The following ASCL5 variants were observed in gnomAD, a reference collection of about 807,000 sequenced individuals.
ASCL5 encodes the protein achaete-scute family bHLH transcription factor 5.
For missense variants in ASCL5, 262 were observed against 268.9 expected (o/e 0.97, Z 0.18); for synonymous variants, 124 against 131.5 (o/e 0.94, Z 0.39).
chr1:201,119,814 C>G (rs1382720858), intron 1 of ASCL5, among the ~76,000 whole-genome samples: 1 of 152,058 alleles, frequency 6.6e-6, no homozygotes, highest in Non-Finnish European at 1.5e-5. Context: ...ATGGTGACTG[C>G]TGAAAGAGCT....
Position 201,115,290 on chromosome 1 carries a change from G to A in ASCL5, c.83C>T (p.Pro28Leu). 8.1e-7 allele frequency: 1 copy of A among 1,230,832 alleles called. No individual in the cohort carries two copies. The highest frequency in any genetic ancestry group is 4.1e-5 in the South Asian group (1 of 24,302). 76.2% of individuals were successfully genotyped at this position (1,230,832 alleles called of 1,614,324 possible). Residue 28 changes from proline (P) to leucine (L), a missense_variant, in exon 2 of 2, where the codon CCT becomes CTT. Pro to Leu is a moderately conservative substitution (Grantham distance 98). Coordinates refer to ENST00000449188, the MANE Select transcript of ASCL5 (RefSeq NM_001270601.2). ...PSCMQLGVMP[P>L]PRQAPLPPAE... ...GGGGGGCAGGGGCGCCTGCCGGGGA[G>A]GGGGCATGACGCCCAGCTGCATGCA...
At chr1:201,124,719 G>A (rs1663547132) in intron 1 of ASCL5, among the ~76,000 whole-genome samples, 1 of 152,178 alleles carries the variant, frequency 6.6e-6, no homozygotes, top group Non-Finnish European at 1.5e-5. Context: ...ATGAGGGAAG[G>A]AGATTCATGA....
At chr1:201,123,912 T>G (rs1226978500) in intron 1 of ASCL5, among the ~76,000 whole-genome samples, 2 of 151,574 alleles carry the variant, frequency 1.3e-5, no homozygotes, top group Admixed American at 6.6e-5. Context: ...TCATTGGGGG[T>G]GGGTTTTGGG....
Position 201,114,876 on chromosome 1 carries a change from G to T in ASCL5, c.497C>A (p.Thr166Asn), listed in dbSNP as rs1663302125. 8.1e-7 allele frequency: 1 copy of T among 1,228,132 alleles called. No homozygotes were observed. The highest frequency in any genetic ancestry group is 4.1e-5 in the South Asian group (1 of 24,294). 76.1% of individuals were successfully genotyped at this position (1,228,132 alleles called of 1,614,324 possible). The change falls in exon 2 of 2, where the codon ACC (threonine) becomes AAC (asparagine). Residue 166 changes from threonine (T) to asparagine (N), a missense_variant. Transcript: ENST00000449188. ...GTCGCCAGGGCGGTCGGGACGGGGG[G>T]TGGCGGGCGGCGCGGGGCAGGGCCC... ...GTGPCPAPPA[T>N]PRPDRPGDGE...
At chr1:201,119,730 A>G (rs1467329658) in intron 1 of ASCL5, among the ~76,000 whole-genome samples, 1 of 152,204 alleles carries the variant, frequency 6.6e-6, no homozygotes, top group Non-Finnish European at 1.5e-5. Context: ...CAGTTGCATC[A>G]GCATTAGGCA....
chr1:201,117,489 C>T (rs1034605903), intron 1 of ASCL5, among the ~76,000 whole-genome samples: 12 of 152,072 alleles, frequency 7.9e-5, no homozygotes, highest in African/African-American at 2.9e-4. Context: ...TCACATATCC[C>T]TCCCCTTCTC....
intron 1 of ASCL5, among the ~76,000 whole-genome samples, chr1:201,116,554 C>T (rs1663353580): frequency 1.3e-5 from 2 of 152,176 alleles, no homozygotes; most frequent in African/African-American, 2.4e-5. Flanking sequence ...GTATTAGATG[C>T]TCCACAAATA....
At chr1:201,124,696 G>A (rs1386257718) in intron 1 of ASCL5, among the ~76,000 whole-genome samples, 2 of 152,246 alleles carry the variant, frequency 1.3e-5, no homozygotes, top group Admixed American at 6.5e-5. Context: ...CTGGAGGGGA[G>A]ACGGTGCCCG....
In ASCL5 at chr1:201,115,393, C is replaced by G; in HGVS notation, c.-21G>C. On this transcript the variant is annotated 5_prime_UTR_variant, in exon 2 of 2. Coordinates refer to ENST00000449188, the MANE Select transcript of ASCL5 (RefSeq NM_001270601.2). ...TTCATGGTGCCGCGTGGAGCTGGAC[C>G]CAGAGCGAGGCCTCCACCGAATGGC... The G allele has an allele frequency of 8.1e-7, 1 of 1,231,468 alleles. No homozygotes were observed. Among genetic ancestry groups the G allele is most frequent in the Non-Finnish European group, 1.0e-6 (1 of 987,792 alleles). The allele number at this position is 1,231,468 out of a possible 1,614,324, so 76.3% of individuals were successfully genotyped here. A position where few individuals can be genotyped will look rare whatever the true frequency, so the allele number is the denominator to read the frequency against.
intron 1 of ASCL5, among the ~76,000 whole-genome samples, chr1:201,125,890 A>G (rs1663569990): frequency 6.6e-6 from 1 of 152,244 alleles, no homozygotes; most frequent in South Asian, 2.1e-4. Flanking sequence ...CCTTCCTTTA[A>G]TGTCTGTGGT....
intron 1 of ASCL5, among the ~76,000 whole-genome samples, chr1:201,117,247 C>A (rs769101296): frequency 1.3e-5 from 2 of 152,000 alleles, no homozygotes; most frequent in Non-Finnish European, 2.9e-5. Flanking sequence ...ACCAGCCTGG[C>A]CAACATGATG....
Position 201,115,587 on chromosome 1 carries a change from C to A in ASCL5, c.-215G>T. On this transcript the variant is annotated 5_prime_UTR_variant, in exon 2 of 2. Transcript: ENST00000449188. The stretch of plus-strand genomic sequence containing the variant: ...ACAAGTGTGGCCCCTCTCAGGAGGT[C>A]GGTGCACGCCTTCTCAGAGCCAGCC... The A allele has an allele frequency of 2.7e-6, 1 of 375,010 alleles. No homozygotes were observed. Among genetic ancestry groups the A allele is most frequent in the Non-Finnish European group, 4.7e-6 (1 of 212,652 alleles). The allele number at this position is 375,010 out of a possible 1,614,324, so 23.2% of individuals were successfully genotyped here.
rs1196297334 is a variant in ASCL5, at chr1:201,114,745, G to A, written c.*7C>T. ...ATCCTCCAAGCCGGGGGCGGCCACA[G>A]GCCCGATCAATGCCAGGATTCCTCC... On this transcript the variant is annotated 3_prime_UTR_variant, in exon 2 of 2. Transcript: ENST00000449188. 3 of 1,230,982 alleles carry A rather than the reference G, an allele frequency of 2.4e-6. No individual in the cohort carries two copies. Among genetic ancestry groups the A allele is most frequent in the East Asian group, 3.2e-5 (1 of 31,670 alleles). The allele number at this position is 1,230,982 out of a possible 1,614,324, so 76.3% of individuals were successfully genotyped here.
In ASCL5 at chr1:201,115,310, C is replaced by T; in HGVS notation, c.63G>A (p.Met21Ile). Residue 21 changes from methionine to isoleucine, a missense_variant, in exon 2 of 2, where the codon ATG (methionine) becomes ATA (isoleucine). Coordinates refer to ENST00000449188, the MANE Select transcript of ASCL5 (RefSeq NM_001270601.2). ...DRRPLGPPSC[M>I]QLGVMPPPRQ... Reference sequence around the variant, plus strand: ...GGGGAGGGGGCATGACGCCCAGCTGCATGCAGCTGGGGGGCCCCAGAGGCC... The same window carrying T: ...GGGGAGGGGGCATGACGCCCAGCTGTATGCAGCTGGGGGGCCCCAGAGGCC... 1 of 1,231,190 alleles carries T rather than the reference C, an allele frequency of 8.1e-7. No individual in the cohort carries two copies. The highest frequency in any genetic ancestry group is 1.6e-5 in the African/African-American group (1 of 64,508). 76.3% of individuals were successfully genotyped at this position (1,231,190 alleles called of 1,614,324 possible).
Position 201,115,340 on chromosome 1 carries a change from G to A in ASCL5, c.33C>T (p.Asp11=). The change falls in exon 2 of 2, where the codon GAC becomes GAT. Residue 11 remains aspartate, a synonymous_variant. Coordinates refer to ENST00000449188, the MANE Select transcript of ASCL5 (RefSeq NM_001270601.2). MNNNFCRALV[D]RRPLGPPSCM... is the part of the protein sequence containing the mutation. Reference sequence around the variant, plus strand: ...AGCTGGGGGGCCCCAGAGGCCTCCGGTCCACCAGAGCCCGGCAGAAGTTAT... The same window carrying A: ...AGCTGGGGGGCCCCAGAGGCCTCCGATCCACCAGAGCCCGGCAGAAGTTAT... 8 of 1,231,430 alleles carry A rather than the reference G, an allele frequency of 6.5e-6. No individual in the cohort carries two copies. Among genetic ancestry groups the A allele is most frequent in the Non-Finnish European group, 8.1e-6 (8 of 987,750 alleles). The allele number at this position is 1,231,430 out of a possible 1,614,324, so 76.3% of individuals were successfully genotyped here. A position where few individuals can be genotyped will look rare whatever the true frequency, so the allele number is the denominator to read the frequency against.
Position 201,114,562 on chromosome 1 carries a change from A to G in ASCL5, c.*190T>C. The G allele has an allele frequency of 2.3e-6, 1 of 443,028 alleles. No individual in the cohort carries two copies. Among genetic ancestry groups the G allele is most frequent in the Non-Finnish European group, 3.7e-6 (1 of 272,376 alleles). 27.4% of individuals were successfully genotyped at this position (443,028 alleles called of 1,614,324 possible). ...CCTAGGTCTCTATCGTGCCCATCGT[A>G]CCCGCTGCCCTGCACTTCCGCCCCA... On this transcript the variant is annotated 3_prime_UTR_variant, in exon 2 of 2. Coordinates refer to ENST00000449188, the MANE Select transcript of ASCL5 (RefSeq NM_001270601.2).
Position 201,115,688 on chromosome 1 carries a change from C to G in ASCL5, c.-316G>C, listed in dbSNP as rs1414556271. On this transcript the variant is annotated 5_prime_UTR_variant, in exon 2 of 2. Coordinates refer to ENST00000449188, the MANE Select transcript of ASCL5 (RefSeq NM_001270601.2). ...GGGCATGGCCACAGACCCGCCCACC[C>G]TGCCTCTTGCTGCCACCCAACATGG... The G allele has an allele frequency of 1.5e-5, 3 of 197,628 alleles. No individual in the cohort carries two copies. Among genetic ancestry groups the G allele is most frequent in the Non-Finnish European group, 2.0e-5 (2 of 98,398 alleles). 12.2% of individuals were successfully genotyped at this position (197,628 alleles called of 1,614,324 possible).
chr1:201,124,291 T>C lies in ASCL5; in HGVS notation c.-506+2793A>G, dbSNP rs113825211. 8.9e-3 allele frequency among the ~76,000 whole-genome samples: 1,356 copies of C among 152,238 alleles called. 21 individuals carry two copies. The highest frequency in any genetic ancestry group is 0.031 in the African/African-American group (1,288 of 41,552). The stretch of plus-strand genomic sequence containing the variant: ...GAGCTGGGTTCACAGGCTAGGAAGC[T>C]AGGGAGGCTGGGGTTGAGGGGTGGG... On this transcript the variant is annotated intron_variant, in intron 1 of 1. Coordinates refer to ENST00000449188, the MANE Select transcript of ASCL5 (RefSeq NM_001270601.2).
intron 1 of ASCL5, among the ~76,000 whole-genome samples, chr1:201,123,448 G>A (rs959223501): frequency 6.6e-6 from 1 of 152,172 alleles, no homozygotes; most frequent in Non-Finnish European, 1.5e-5. Context: ...TATGCCAGCC[G>A]CTGTTCTAAG....
Sources: allele counts gnomAD v4.1 joint callset (sites outside exome capture counted in the v4.1 genomes callset), GRCh38; gene constraint gnomAD v4.1.1; transcripts MANE v1.5; gene names NCBI Gene and HGNC (gene_info 2026-07-23, HGNC 2026-07-21).